Variants in KCNIP1 observed in about 807,000 individuals in gnomAD.
KCNIP1 encodes the protein A-type potassium channel modulatory protein KCNIP1.
KCNIP1 carries 18 observed loss-of-function variants against 33.0 expected under a neutral mutation model. That is an observed-to-expected ratio of 0.55 (90% CI 0.38 to 0.81). The LOEUF (loss-of-function observed/expected upper bound fraction) is 0.81. Ranked by LOEUF, KCNIP1 falls within the 30% of genes least tolerant of loss-of-function variation. The probability of loss-of-function intolerance (pLI) is 0.00; values close to 1 mark genes in which losing one functional copy is unlikely to be tolerated. For synonymous variants in KCNIP1, 93 were observed against 98.3 expected, an observed-to-expected ratio of 0.95 and a Z score of 0.32; for missense variants, 238 against 271.6, an observed-to-expected ratio of 0.88 and a Z score of 0.87.
At chr5:170,617,592 C>T (rs766956206) in intron 1 of KCNIP1, among the ~76,000 whole-genome samples, 1 of 152,180 alleles carries the variant, frequency 6.6e-6, no homozygotes, top group Non-Finnish European at 1.5e-5. Context: ...TGGTTCTGCT[C>T]AATTCCCTAA....
intron 1 of KCNIP1, among the ~76,000 whole-genome samples, chr5:170,440,503 CA>C (rs1354647394): frequency 6.6e-6 from 1 of 152,182 alleles, no homozygotes; most frequent in African/African-American, 2.4e-5. Context: ...AATTGATTCC[CA>C]GGGGAGGGCC....
chr5:170,476,484 T>C (rs1426462925), intron 1 of KCNIP1, among the ~76,000 whole-genome samples: 3 of 152,232 alleles, frequency 2.0e-5, no homozygotes. Context: ...CCCTTCTTCA[T>C]GGCTAATTAG....
intron 1 of KCNIP1, among the ~76,000 whole-genome samples, chr5:170,408,582 G>A (rs1755098784): frequency 6.6e-6 from 1 of 152,166 alleles, no homozygotes; most frequent in Non-Finnish European, 1.5e-5. Context: ...AGAGGAAATT[G>A]TCCAATTCCA....
At chr5:170,467,917 CAAA>C (rs55671124) in intron 1 of KCNIP1, among the ~76,000 whole-genome samples, 1 of 41,950 alleles carries the variant, frequency 2.4e-5, no homozygotes, top group Non-Finnish European at 5.0e-5. Context: ...GATTCCATCT[CAAA>C]AAAAAAAAAA....
chr5:170,417,683 T>C (rs1443242227), intron 1 of KCNIP1, among the ~76,000 whole-genome samples: 1 of 152,194 alleles, frequency 6.6e-6, no homozygotes, highest in Non-Finnish European at 1.5e-5. Context: ...GCCCTGGCCC[T>C]GGTTTTAAAT....
intron 1 of KCNIP1, chr5:170,385,516 A>C: frequency 1.3e-6 from 2 of 1,569,596 alleles, no homozygotes; most frequent in Non-Finnish European, 1.8e-6. Context: ...CCCAGTTCAC[A>C]GGTGATCCAC....
At chr5:170,679,948 T>A (rs1267474889) in intron 1 of KCNIP1, among the ~76,000 whole-genome samples, 3 of 152,204 alleles carry the variant, frequency 2.0e-5, no homozygotes, top group African/African-American at 7.2e-5. Flanking sequence ...TGCGCATATG[T>A]AGGTATCCTT....
upstream of KCNIP1, among the ~76,000 whole-genome samples, chr5:170,501,597 G>A (rs1757415523): frequency 2.0e-5 from 3 of 152,230 alleles, no homozygotes; most frequent in South Asian, 2.1e-4. Flanking sequence ...TCTTCAGTGG[G>A]TTGTGGGGAA....
chr5:170,642,642 T>C (rs1760615455), intron 1 of KCNIP1, among the ~76,000 whole-genome samples: 1 of 152,144 alleles, frequency 6.6e-6, no homozygotes, highest in Admixed American at 6.5e-5. Context: ...TGGAAGGAGA[T>C]TCACTTCAAG....
intron 1 of KCNIP1, chr5:170,679,107 C>A: frequency 6.6e-6 from 1 of 152,264 alleles, no homozygotes; most frequent in Non-Finnish European, 1.5e-5. Context: ...TTCTTCTGGG[C>A]AGATGGGATC....
At position 170,368,728 on chromosome 5, in the gene KCNIP1, C is replaced by T. The variant is rs2113303182; in HGVS notation, c.88+14764C>T. Among the ~76,000 whole-genome samples, 3 of 152,366 alleles carry T rather than the reference C, an allele frequency of 2.0e-5. No homozygotes were observed. The Middle Eastern group carries it at 0.01, about 518-fold the overall frequency. ...TCTGCTTTCACTGGCATATCACTGG[C>T]TGTTCATGCCATGTGGCAATACACC... On this transcript the variant is annotated intron_variant, in intron 1 of 7. Coordinates refer to the KCNIP1 transcript ENST00000377360.
At chr5:170,574,050 A>G (rs569686090) in intron 1 of KCNIP1, among the ~76,000 whole-genome samples, 6 of 152,244 alleles carry the variant, frequency 3.9e-5, no homozygotes, top group Admixed American at 2.6e-4. Flanking sequence ...GAATGCACCA[A>G]ATAGCTGGGT....
At chr5:170,681,774 C>T (rs566725271) in intron 1 of KCNIP1, among the ~76,000 whole-genome samples, 8 of 152,044 alleles carry the variant, frequency 5.3e-5, no homozygotes, top group Non-Finnish European at 1.0e-4. Context: ...CAGGTTAACC[C>T]GATTGTTTAG....
At chr5:170,694,356 G>A (rs1405451768) in intron 1 of KCNIP1, among the ~76,000 whole-genome samples, 1 of 152,036 alleles carries the variant, frequency 6.6e-6, no homozygotes, top group Non-Finnish European at 1.5e-5. Context: ...AGACATTATG[G>A]GCAAGTGTTT....
intron 1 of KCNIP1, among the ~76,000 whole-genome samples, chr5:170,615,585 G>A (rs1314053780): frequency 6.6e-6 from 1 of 152,112 alleles, no homozygotes; most frequent in Non-Finnish European, 1.5e-5. Flanking sequence ...CAGCAGCCTG[G>A]GCTTTTCCAC....
chr5:170,466,483 G>T (rs1025700422), intron 1 of KCNIP1, among the ~76,000 whole-genome samples: 8 of 152,168 alleles, frequency 5.3e-5, no homozygotes, highest in African/African-American at 1.9e-4. Context: ...AAAGCAGAGG[G>T]TGAAATGAGT....
In KCNIP1 at chr5:170,492,119, C is replaced by T. The variant is rs997399581; in HGVS notation, c.88+138155C>T. On this transcript the variant is annotated intron_variant, in intron 1 of 7. Coordinates refer to the KCNIP1 transcript ENST00000377360. Reference sequence around the variant, plus strand: ...CAGAGGCCCCACAGGTTAAAGGCCTCGTCCCACAAAACTGCCCCCACTTCA... The same window carrying T: ...CAGAGGCCCCACAGGTTAAAGGCCTTGTCCCACAAAACTGCCCCCACTTCA... Among the ~76,000 whole-genome samples, 37 of 152,192 alleles carry T rather than the reference C, an allele frequency of 2.4e-4. 1 individual carries two copies. The highest frequency in any genetic ancestry group is 1.6e-4 in the Non-Finnish European group (11 of 68,034).
chr5:170,597,808 T>TGAA (rs1177753101), intron 1 of KCNIP1, among the ~76,000 whole-genome samples: 1 of 5,352 alleles, frequency 1.9e-4, no homozygotes, highest in African/African-American at 3.0e-4. Flanking sequence ...TATATATATA[T>TGAA]ATATATATAT....
At chr5:170,598,889 C>CTGTGTG (rs10533640) in intron 1 of KCNIP1, among the ~76,000 whole-genome samples, 1 of 141,834 alleles carries the variant, frequency 7.1e-6, no homozygotes, top group African/African-American at 2.7e-5. Context: ...CATAGCCCCG[C>CTGTGTG]TGTGTGTGTG....
Sources: allele counts gnomAD v4.1 joint callset (sites outside exome capture counted in the v4.1 genomes callset), GRCh38; gene constraint gnomAD v4.1.1; transcripts MANE v1.5; gene names NCBI Gene and HGNC (gene_info 2026-07-23, HGNC 2026-07-21).